The following DEDD variants were observed in gnomAD, a reference collection of about 807,000 sequenced individuals.
DEDD encodes the protein death effector domain containing, also known as death effector domain-containing protein.
A neutral mutation model predicts 29.2 loss-of-function variants in DEDD; 3 were observed. That is an observed-to-expected ratio of 0.10 (90% CI 0.05 to 0.27). DEDD has a LOEUF of 0.27. DEDD is among the 10% of genes least tolerant of loss of function. The pLI is 1.00. For synonymous variants in DEDD, 152 were observed against 161.3 expected (o/e 0.94, Z 0.44); for missense variants, 261 against 420.5 (o/e 0.62, Z 3.32).
chr1:161,129,011 G>T lies in DEDD; in HGVS notation c.-65+1804C>A, dbSNP rs553362304. 2.6e-5 allele frequency among the ~76,000 whole-genome samples: 4 copies of T among 152,258 alleles called. No individual in the cohort carries two copies. In the East Asian group the frequency reaches 7.7e-4, roughly 29 times the overall value. ...CTAGTTCAATCTGGAGTTCTATGGG[G>T]ATATTAGAAATGTAATCCTCTGCAA... On this transcript the variant is annotated intron_variant, in intron 2 of 5. Transcript: ENST00000368006.
intron 2 of DEDD, among the ~76,000 whole-genome samples, chr1:161,127,575 T>A (rs931185471): frequency 4.6e-5 from 7 of 152,178 alleles, no homozygotes; most frequent in African/African-American, 1.7e-4. Flanking sequence ...TGGGTTCTGA[T>A]ATGTAGACAG....
chr1:161,124,177 C>T lies in DEDD; in HGVS notation c.286G>A (p.Asp96Asn). The T allele has an allele frequency of 6.2e-7, 1 of 1,614,066 alleles. No homozygotes were observed. The highest frequency in any genetic ancestry group is 1.1e-5 in the South Asian group (1 of 91,064). ...TTGAGGGTGACGTAGGGCAGCAGGTCGTGGCGAGTGATGATGCGCAGCAGC... is the reference window on the plus strand; with the variant it reads ...TTGAGGGTGACGTAGGGCAGCAGGTTGTGGCGAGTGATGATGCGCAGCAGC... ...LQLLRIITRH[D>N]LLPYVTLKRR... Residue 96 changes from aspartate to asparagine, a missense_variant, in exon 3 of 6, where the codon GAC (aspartate) becomes AAC (asparagine). Around this residue, in one of 2 missense-constraint regions of DEDD, gnomAD observed 203 missense variants for 268.7 expected, o/e 0.76. Transcript: ENST00000368006.
chr1:161,130,131 G>T (rs1223749590), intron 2 of DEDD, among the ~76,000 whole-genome samples: 1 of 152,146 alleles, frequency 6.6e-6, no homozygotes, highest in East Asian at 1.9e-4. Context: ...AAATAAAAAA[G>T]AGTGCTGTCT....
At chr1:161,126,076 C>G (rs757491977) in intron 2 of DEDD, among the ~76,000 whole-genome samples, 2 of 152,184 alleles carry the variant, frequency 1.3e-5, no homozygotes, top group Non-Finnish European at 2.9e-5. Flanking sequence ...CACAATCAAT[C>G]CTAAATTCCT....
rs189232335 is a variant in DEDD at position 161,124,686 on chromosome 1, G to A, written c.-64-160C>T. On this transcript the variant is annotated intron_variant, in intron 2 of 5. Transcript: ENST00000368006. ...TTGTTTAAAAATAAACACTGGCCAG[G>A]CACAGGGGCTCACACCTGTAATCCC... 5.2e-5 allele frequency: 50 copies of A among 960,038 alleles called. No individual in the cohort carries two copies. In the African/African-American group the frequency reaches 7.2e-4, roughly 14 times the overall value. 59.5% of individuals were successfully genotyped at this position (960,038 alleles called of 1,614,324 possible). A position where few individuals can be genotyped will look rare whatever the true frequency, so the allele number is the denominator to read the frequency against.
Position 161,122,501 on chromosome 1 carries a change from A to G in DEDD, c.603T>C (p.Ala201=). 6.2e-7 allele frequency: 1 copy of G among 1,613,906 alleles called. No homozygotes were observed. Among genetic ancestry groups the G allele is most frequent in the Non-Finnish European group, 8.5e-7 (1 of 1,179,766 alleles). ...QTCDIRLRVR[A]EYCQHETALQ... The stretch of plus-strand genomic sequence containing the variant: ...GAGCAGTCTCATGCTGGCAGTATTC[A>G]GCCCGAACCCGCAGTCTGATGTCTG... The change falls in exon 6 of 6, where the codon GCT becomes GCC. Residue 201 remains alanine, a synonymous_variant. Transcript: ENST00000368006. This position sits in a 1 kb window ranked among gnomAD's most constrained non-coding sequence, Gnocchi z 4.2.
Position 161,122,096 on chromosome 1 carries a change from C to G in DEDD, c.*51G>C. ...AGAACAAACCCCAGAACAGTGTAAG[C>G]TCCAGAGGTGGGTGATGGGAACAGT... On this transcript the variant is annotated 3_prime_UTR_variant, in exon 6 of 6. Transcript: ENST00000368006. This position sits in a 1 kb window ranked among gnomAD's most constrained non-coding sequence, Gnocchi z 4.2. 1 of 1,596,354 alleles carries G rather than the reference C, an allele frequency of 6.3e-7. No homozygotes were observed. Among genetic ancestry groups the G allele is most frequent in the South Asian group, 1.1e-5 (1 of 89,086 alleles).
chr1:161,123,288 G>A (rs1655737661), intron 4 of DEDD, 67 bp from the exon 5 acceptor site: 3 of 1,436,350 alleles, frequency 2.1e-6, no homozygotes, highest in African/African-American at 2.8e-5. Flanking sequence ...ACTTCTGTTG[G>A]AATGAGGAAG....
chr1:161,122,977 A>G lies in DEDD; in HGVS notation c.580+98T>C. On this transcript the variant is annotated intron_variant, in intron 5 of 5. Coordinates refer to ENST00000368006, the MANE Select transcript of DEDD (RefSeq NM_032998.3). This position sits in a 1 kb window ranked among gnomAD's most constrained non-coding sequence, Gnocchi z 4.2. ...TCACTTTGCAATGGCAATCAAAGTG[A>G]ATCTCACACTGAATAGCATAAACTG... 6.2e-7 allele frequency: 1 copy of G among 1,611,038 alleles called. No homozygotes were observed. Among genetic ancestry groups the G allele is most frequent in the Non-Finnish European group, 8.5e-7 (1 of 1,177,160 alleles).
Position 161,123,924 on chromosome 1 carries a change from C to T in DEDD, c.348G>A (p.Lys116=), listed in dbSNP as rs764229115. 8.7e-6 allele frequency: 14 copies of T among 1,613,996 alleles called. No individual in the cohort carries two copies. The highest frequency in any genetic ancestry group is 1.2e-5 in the Non-Finnish European group (14 of 1,180,020). Residue 116 remains lysine (K), a synonymous_variant, in exon 4 of 6, where the codon AAG becomes AAA. Transcript: ENST00000368006. ...RRAVCPDLVD[K]YLEETSIRYV... is the part of the protein sequence containing the mutation. ...AGCGAATTGATGTCTCCTCCAGATA[C>T]TTGTCTACAAGATCAGGGCACACTG...
intron 2 of DEDD, among the ~76,000 whole-genome samples, chr1:161,127,169 C>T (rs1402810122): frequency 6.6e-6 from 1 of 152,118 alleles, no homozygotes; most frequent in East Asian, 1.9e-4. Flanking sequence ...AAGAGATCAC[C>T]TCAAGCAATT....
intron 2 of DEDD, among the ~76,000 whole-genome samples, chr1:161,127,527 A>C (rs551974087): frequency 8.5e-5 from 13 of 152,332 alleles, no homozygotes; most frequent in African/African-American, 3.1e-4. Flanking sequence ...CCTTAAGAAA[A>C]GGGGAGGTAC....
intron 2 of DEDD, 121 bp from the exon 3 acceptor site, chr1:161,124,647 A>C: frequency 7.9e-7 from 1 of 1,273,164 alleles, no homozygotes; most frequent in Non-Finnish European, 1.0e-6. Context: ...ATGTTTATTA[A>C]ATTTTTGAAG....
rs1655869611 is a variant in DEDD at position 161,124,003 on chromosome 1, C to G, written c.326-57G>C. 4 of 1,596,474 alleles carry G rather than the reference C, an allele frequency of 2.5e-6. No homozygotes were observed. The South Asian group carries it at 4.5e-5, about 18-fold the overall frequency. On this transcript the variant is annotated intron_variant, in intron 3 of 5. Coordinates refer to ENST00000368006, the MANE Select transcript of DEDD (RefSeq NM_032998.3). ...TATACACCCTTCCCTTCTGTCAGTC[C>G]AAACCCCCAGTGGGCCTCACAACTT...
At chr1:161,126,343 CTTTTTTTTTTT>C (rs538174697) in intron 2 of DEDD, among the ~76,000 whole-genome samples, 2 of 132,506 alleles carry the variant, frequency 1.5e-5, no homozygotes, top group East Asian at 2.1e-4. Flanking sequence ...ACTCCAAACT[CTTTTTTTTTTT>C]TTTTTTTTTG....
chr1:161,124,920 A>AC (rs112277456), intron 2 of DEDD: 8 of 158,264 alleles, frequency 5.1e-5, no homozygotes, highest in African/African-American at 1.7e-4. Context: ...ACATAGCAAG[A>AC]CCCCATCTCT....
Position 161,122,987 on chromosome 1 carries a change from T to C in DEDD, c.580+88A>G, listed in dbSNP as rs1187896873. 2.5e-6 allele frequency: 4 copies of C among 1,613,660 alleles called. No individual in the cohort carries two copies. Among genetic ancestry groups the C allele is most frequent in the South Asian group, 1.1e-5 (1 of 91,086 alleles). ...ATGGCAATCAAAGTGAATCTCACACTGAATAGCATAAACTGCCCAGTGTCC... is the reference window on the plus strand; with the variant it reads ...ATGGCAATCAAAGTGAATCTCACACCGAATAGCATAAACTGCCCAGTGTCC... On this transcript the variant is annotated intron_variant, in intron 5 of 5. Transcript: ENST00000368006. The surrounding 1 kb of genome is among the most constrained non-coding windows in gnomAD (Gnocchi z 4.2).
rs1655913782 is a variant in DEDD at position 161,124,311 on chromosome 1, T to C, written c.152A>G (p.Asp51Gly). The C allele has an allele frequency of 6.2e-7, 1 of 1,614,110 alleles. No individual in the cohort carries two copies. The highest frequency in any genetic ancestry group is 1.3e-5 in the African/African-American group (1 of 74,934). The change falls in exon 3 of 6, where the codon GAT (aspartate) becomes GGT (glycine). Residue 51 changes from aspartate (D) to glycine (G), a missense_variant. By Grantham distance (94) the Asp-to-Gly change is moderately conservative (BLOSUM62 -1). Around this residue, in one of 2 missense-constraint regions of DEDD, gnomAD observed 203 missense variants for 268.7 expected, o/e 0.76. Transcript: ENST00000368006. ...DVRVLSFLFV[D>G]VIDDHERGLI... ...TCCACGCTCGTGGTCATCAATGACA[T>C]CAACAAAGAGGAAAGAAAGCACGCG...
chr1:161,129,636 A>G (rs1034942835), intron 2 of DEDD, among the ~76,000 whole-genome samples: 7 of 152,238 alleles, frequency 4.6e-5, no homozygotes, highest in Non-Finnish European at 8.8e-5. Context: ...ATATACTCGT[A>G]TTTCTGTGAC....
Sources: gnomAD v4.1 joint callset for allele counts (sites outside exome capture counted in the v4.1 genomes callset) on GRCh38, gnomAD v4.1.1 for gene constraint, gnomAD v4.1.1 regional missense constraint, Gnocchi (gnomAD v3.1) non-coding constraint, MANE v1.5 for transcripts, NCBI Gene and HGNC (gene_info 2026-07-23, HGNC 2026-07-21) for gene names.